The following PLCB1 variants were observed in gnomAD, a reference collection of about 807,000 sequenced individuals.
PLCB1 encodes the protein 1-phosphatidylinositol 4,5-bisphosphate phosphodiesterase beta-1.
A neutral mutation model predicts 161.8 loss-of-function variants in PLCB1; 46 were observed. The ratio of observed to expected loss-of-function variants is 0.28; its 90% CI spans 0.22 to 0.36. The LOEUF (loss-of-function observed/expected upper bound fraction) is 0.36, where lower values mean the gene tolerates loss of function less well. Ranked by LOEUF, PLCB1 falls within the 10% of genes least tolerant of loss-of-function variation. The pLI, the probability that PLCB1 is intolerant of heterozygous loss-of-function variation, is 1.00. For missense variants in PLCB1, 1,016 were observed against 1,472.5 expected, an observed-to-expected ratio of 0.69 and a Z score of 5.07; for synonymous variants, 517 against 503.7, an observed-to-expected ratio of 1.03 and a Z score of -0.35.
At chr20:8,157,001 A>G (rs1272300825) in intron 2 of PLCB1, among the ~76,000 whole-genome samples, 1 of 152,136 alleles carries the variant, frequency 6.6e-6, no homozygotes, top group Non-Finnish European at 1.5e-5. Context: ...TTCTTCTTCA[A>G]GGCAACACTG....
At chr20:8,485,304 AAAAC>A (rs1328541590) in intron 3 of PLCB1, among the ~76,000 whole-genome samples, 2 of 152,228 alleles carry the variant, frequency 1.3e-5, no homozygotes, top group African/African-American at 2.4e-5. Flanking sequence ...TAAGCTCTGG[AAAAC>A]AAACAAACAA....
At position 8,169,733 on chromosome 20, in the gene PLCB1, T is replaced by A. The variant is rs527351194; in HGVS notation, c.177+19362T>A. ...AGACTCCCAGGAACTTGGAGTGCAG[T>A]TTTCGATGCCTGAATTCAGAGAGGA... On this transcript the variant is annotated intron_variant, in intron 2 of 31. Transcript: ENST00000338037. Among the ~76,000 whole-genome samples the A allele has an allele frequency of 3.6e-4, 55 of 152,160 alleles. 1 individual carries two copies. Among genetic ancestry groups the A allele is most frequent in the African/African-American group, 1.3e-3 (54 of 41,516 alleles).
At chr20:8,153,883 C>A (rs2051533500) in intron 2 of PLCB1, among the ~76,000 whole-genome samples, 1 of 152,106 alleles carries the variant, frequency 6.6e-6, no homozygotes, top group Non-Finnish European at 1.5e-5. Flanking sequence ...CCATTACTTT[C>A]TTTTTTGTTA....
At chr20:8,134,708 G>A (rs1420760172) in intron 1 of PLCB1, among the ~76,000 whole-genome samples, 1 of 152,098 alleles carries the variant, frequency 6.6e-6, no homozygotes, top group Non-Finnish European at 1.5e-5. Flanking sequence ...ATTGGGTGAT[G>A]CATTGAGGGT....
chr20:8,321,214 C>CT (rs916486325), intron 2 of PLCB1, among the ~76,000 whole-genome samples: 43 of 152,262 alleles, frequency 2.8e-4, no homozygotes, highest in African/African-American at 1.0e-3. Context: ...AACTGTTCTC[C>CT]TTTTTTTGTT....
intron 2 of PLCB1, among the ~76,000 whole-genome samples, chr20:8,253,268 T>C (rs1364471645): frequency 6.6e-6 from 1 of 152,038 alleles, no homozygotes; most frequent in Non-Finnish European, 1.5e-5. Flanking sequence ...TGTTGTTGTT[T>C]TTCCTTGTTG....
At chr20:8,542,390 GTT>G (rs1341032663) in intron 3 of PLCB1, among the ~76,000 whole-genome samples, 2 of 152,170 alleles carry the variant, frequency 1.3e-5, no homozygotes, top group African/African-American at 4.8e-5. Flanking sequence ...TAAACAATAA[GTT>G]TGTTGCCCCT....
chr20:8,155,129 T>G (rs577857899), intron 2 of PLCB1, among the ~76,000 whole-genome samples: 7 of 152,320 alleles, frequency 4.6e-5, no homozygotes, highest in Admixed American at 2.0e-4. Flanking sequence ...CTGTTATGTT[T>G]TAATGCCTGT....
At chr20:8,147,748 G>A (rs887328581) in intron 1 of PLCB1, among the ~76,000 whole-genome samples, 1 of 152,208 alleles carries the variant, frequency 6.6e-6, no homozygotes, top group African/African-American at 2.4e-5. Flanking sequence ...GAAGAGTGGG[G>A]TCAAGAAAAC....
At chr20:8,658,426 T>C in intron 8 of PLCB1, 112 bp from the exon 9 acceptor site, 1 of 773,590 alleles carries the variant, frequency 1.3e-6, no homozygotes, top group Non-Finnish European at 2.0e-6. Context: ...GGAGTTTCAA[T>C]ATAGCATTTT....
intron 3 of PLCB1, among the ~76,000 whole-genome samples, chr20:8,543,153 T>C (rs1985399279): frequency 6.6e-6 from 1 of 152,076 alleles, no homozygotes; most frequent in Admixed American, 6.6e-5. Flanking sequence ...AACAACATCC[T>C]CCTGGAGTTT....
chr20:8,590,048 C>T (rs920923452), intron 3 of PLCB1, among the ~76,000 whole-genome samples: 1 of 152,092 alleles, frequency 6.6e-6, no homozygotes, highest in Admixed American at 6.5e-5. Context: ...ATATGAATTT[C>T]GGGTGGGGAC....
intron 2 of PLCB1, among the ~76,000 whole-genome samples, chr20:8,340,753 C>A (rs1985778611): frequency 6.6e-6 from 1 of 152,164 alleles, no homozygotes; most frequent in African/African-American, 2.4e-5. Flanking sequence ...TAGAGTACCT[C>A]CCCTTTAAAA....
chr20:8,841,251 T>A (rs1021031016), intron 31 of PLCB1, among the ~76,000 whole-genome samples: 5 of 152,232 alleles, frequency 3.3e-5, no homozygotes, highest in Admixed American at 2.6e-4. Context: ...CCTGGTGTTA[T>A]CCTACAAGAC....
At chr20:8,817,539 C>T (rs1465294946) in intron 31 of PLCB1, among the ~76,000 whole-genome samples, 2 of 152,166 alleles carry the variant, frequency 1.3e-5, no homozygotes, top group South Asian at 2.1e-4. Context: ...AGGCTCCAAA[C>T]TGGAAAATTT....
intron 2 of PLCB1, among the ~76,000 whole-genome samples, chr20:8,349,921 T>C (rs933536770): frequency 6.6e-6 from 1 of 152,174 alleles, no homozygotes; most frequent in Non-Finnish European, 1.5e-5. Context: ...AAGCTGTCTT[T>C]ATTTGCAGAT....
chr20:8,429,442 G>T (rs1288015958), intron 3 of PLCB1, among the ~76,000 whole-genome samples: 4 of 149,688 alleles, frequency 2.7e-5, no homozygotes, highest in Non-Finnish European at 6.0e-5. Context: ...CTATTTGTGG[G>T]TTATGAATTC....
chr20:8,497,167 A>G (rs1236165423), intron 3 of PLCB1, among the ~76,000 whole-genome samples: 1 of 152,196 alleles, frequency 6.6e-6, no homozygotes, highest in East Asian at 1.9e-4. Flanking sequence ...ACAAATTTTT[A>G]CTTAGGCTCA....
In PLCB1 at chr20:8,831,918, CTTTCTTT is replaced by C. The variant is rs1568616987; in HGVS notation, c.3423+41658_3423+41664del. 1.2e-4 allele frequency among the ~76,000 whole-genome samples: 3 copies of C among 24,360 alleles called. No homozygotes were observed. In the East Asian group the frequency reaches 2.3e-3, roughly 18 times the overall value. 16.0% of individuals were successfully genotyped at this position (24,360 alleles called of 152,430 possible). ...TTTCTCCCTCTCTTTCTTTCTCTTT[CTTTCTTT>C]CTTTCTTTCTTTCTTTCTTTCTTTC... On this transcript the variant is annotated intron_variant, in intron 31 of 31. Transcript: ENST00000338037.
Sources: gnomAD v4.1 joint callset for allele counts (sites outside exome capture counted in the v4.1 genomes callset) on GRCh38, gnomAD v4.1.1 for gene constraint, MANE v1.5 for transcripts, NCBI Gene and HGNC (gene_info 2026-07-23, HGNC 2026-07-21) for gene names.